Variants in PLAA observed in about 807,000 individuals in gnomAD.
PLAA encodes phospholipase A-2-activating protein.
PLAA carries 48 observed loss-of-function variants against 84.1 expected under a neutral mutation model. The observed-to-expected ratio is 0.57, with a 90% CI of 0.45 to 0.73. The LOEUF is 0.73. Among genes scored for constraint, PLAA ranks in the 30% least tolerant of loss-of-function variants. The pLI is 0.00. For synonymous variants in PLAA, 392 were observed against 336.6 expected, an observed-to-expected ratio of 1.16 and a Z score of -1.80; for missense variants, 903 against 954.7, an observed-to-expected ratio of 0.95 and a Z score of 0.71.
At chr9:26,906,795 A>G (rs1185577933) in intron 13 of PLAA, among the ~76,000 whole-genome samples, 3 of 152,134 alleles carry the variant, frequency 2.0e-5, no homozygotes, top group Non-Finnish European at 4.4e-5. Flanking sequence ...TGGGAGCTTT[A>G]TAATCAAGGG....
rs999452202 is a variant in PLAA at position 26,938,281 on chromosome 9, G to A, written c.150-3075C>T. Among the ~76,000 whole-genome samples the A allele has an allele frequency of 2.0e-5, 3 of 152,148 alleles. No individual in the cohort carries two copies. In the East Asian group the frequency reaches 5.8e-4, roughly 29 times the overall value. Reference sequence around the variant, plus strand: ...CCAGCACCTCAGGAGACTGAGATAGGAGAACCGCTTGAGCCCAGAAGTTGG... The same window carrying A: ...CCAGCACCTCAGGAGACTGAGATAGAAGAACCGCTTGAGCCCAGAAGTTGG... On this transcript the variant is annotated intron_variant, in intron 1 of 13. Transcript: ENST00000397292.
chr9:26,918,102 A>ATTTT (rs533380517), intron 9 of PLAA, among the ~76,000 whole-genome samples: 5 of 151,764 alleles, frequency 3.3e-5, no homozygotes, highest in African/African-American at 1.2e-4. Flanking sequence ...TACTTTGATA[A>ATTTT]TTTTTTTTAA....
chr9:26,933,126 G>T (rs1036061171), intron 2 of PLAA, among the ~76,000 whole-genome samples: 9 of 152,004 alleles, frequency 5.9e-5, no homozygotes, highest in Non-Finnish European at 1.3e-4. Context: ...AAATTAGCTG[G>T]GTGTGGTGGC....
intron 2 of PLAA, among the ~76,000 whole-genome samples, 198 bp from the exon 3 acceptor site, chr9:26,928,606 C>T (rs1461123641): frequency 6.6e-6 from 1 of 152,198 alleles, no homozygotes; most frequent in African/African-American, 2.4e-5. Flanking sequence ...GGGCGCAAGG[C>T]CTAGCTGTGC....
intron 1 of PLAA, among the ~76,000 whole-genome samples, chr9:26,941,215 C>G (rs1388623866): frequency 1.3e-5 from 2 of 150,816 alleles, no homozygotes; most frequent in Non-Finnish European, 2.9e-5. Flanking sequence ...GCTAGACAAC[C>G]CAGCCAGACA....
intron 1 of PLAA, among the ~76,000 whole-genome samples, chr9:26,937,495 C>T (rs1057271776): frequency 1.3e-5 from 2 of 152,150 alleles, no homozygotes; most frequent in Admixed American, 1.3e-4. Flanking sequence ...AAAAAAATCA[C>T]ACGCATACAA....
In PLAA at chr9:26,947,124, C is replaced by T. The variant is rs1415530974; in HGVS notation, c.-79G>A. 4 of 1,387,280 alleles carry T rather than the reference C, an allele frequency of 2.9e-6. No individual in the cohort carries two copies. The East Asian group carries it at 8.9e-5, about 31-fold the overall frequency. The allele number at this position is 1,387,280 out of a possible 1,614,324, so 85.9% of individuals were successfully genotyped here. ...AGGGGCGACTCGGAGAGCGCCGGGC[C>T]GCGGCGGGAGAAGAGCCTGCAGGTA... On this transcript the variant is annotated 5_prime_UTR_variant, in exon 1 of 14. Coordinates refer to ENST00000397292, the MANE Select transcript of PLAA (RefSeq NM_001031689.3).
Position 26,933,788 on chromosome 9 carries a change from CAAAAAAA to C in PLAA, c.343+1218_343+1224del, listed in dbSNP as rs199939902. On this transcript the variant is annotated intron_variant, in intron 2 of 13. Transcript: ENST00000397292. ...TGGGCGACAGAGCGAGACTCTGCCT[CAAAAAAA>C]AAAAAAAAAAAAAAAAAATTTTTTG... 6.5e-4 allele frequency among the ~76,000 whole-genome samples: 58 copies of C among 89,234 alleles called. No homozygotes were observed. The East Asian group carries it at 0.012, about 18-fold the overall frequency. 58.5% of individuals were successfully genotyped at this position (89,234 alleles called of 152,430 possible). A position where few individuals can be genotyped will look rare whatever the true frequency, so the allele number is the denominator to read the frequency against.
chr9:26,919,535 G>T lies in PLAA; in HGVS notation c.1198-6C>A, dbSNP rs1273150434. Reference sequence around the variant, plus strand: ...GAGAAAACATAATCAAATTCCTAAAGTAGGAATATAAAAAGGAGATACATG... The same window carrying T: ...GAGAAAACATAATCAAATTCCTAAATTAGGAATATAAAAAGGAGATACATG... On this transcript the variant is annotated splice_polypyrimidine_tract_variant and splice_region_variant and intron_variant, in intron 8 of 13. Transcript: ENST00000397292. The T allele has an allele frequency of 4.7e-6, 7 of 1,481,120 alleles. No homozygotes were observed. Among genetic ancestry groups the T allele is most frequent in the Non-Finnish European group, 6.6e-6 (7 of 1,061,898 alleles). The allele number at this position is 1,481,120 out of a possible 1,614,324, so 91.7% of individuals were successfully genotyped here.
intron 13 of PLAA, among the ~76,000 whole-genome samples, chr9:26,906,844 C>A (rs10967591): frequency 1.3e-5 from 2 of 151,820 alleles, no homozygotes; most frequent in Non-Finnish European, 2.9e-5. Flanking sequence ...ACAAAATAAT[C>A]TTAGCATCAC....
chr9:26,935,351 A>C (rs1330073958), intron 1 of PLAA, 145 bp from the exon 2 acceptor site: 1 of 479,430 alleles, frequency 2.1e-6, no homozygotes, highest in Non-Finnish European at 3.6e-6. Flanking sequence ...TTAAAATTGA[A>C]CCTTACATAA....
intron 1 of PLAA, among the ~76,000 whole-genome samples, chr9:26,944,788 G>A (rs941498865): frequency 2.6e-5 from 4 of 152,164 alleles, no homozygotes; most frequent in African/African-American, 7.2e-5. Context: ...CTTCATCAGT[G>A]TTAGATAAAT....
intron 2 of PLAA, 77 bp downstream of exon 2, chr9:26,934,936 G>T: frequency 9.1e-7 from 1 of 1,098,684 alleles, no homozygotes; most frequent in Non-Finnish European, 1.3e-6. Flanking sequence ...AAAAACTTGA[G>T]AAAATGGATA....
At position 26,935,405 on chromosome 9, in the gene PLAA, T is replaced by C. The variant is rs569830873; in HGVS notation, c.150-199A>G. On this transcript the variant is annotated intron_variant, in intron 1 of 13. Transcript: ENST00000397292. ...GAGAATTACATGAGATAAAGAGAAG[T>C]TTGTTTAGTGTTTCTTTGATAAGAA... Among the ~76,000 whole-genome samples, 3 of 152,280 alleles carry C rather than the reference T, an allele frequency of 2.0e-5. No individual in the cohort carries two copies. The South Asian group carries it at 6.2e-4, about 32-fold the overall frequency.
intron 11 of PLAA, among the ~76,000 whole-genome samples, chr9:26,911,065 T>C (rs1824384748): frequency 6.6e-6 from 1 of 151,956 alleles, no homozygotes; most frequent in Non-Finnish European, 1.5e-5. Flanking sequence ...TTTTTTTAAG[T>C]ATTTTATTAA....
intron 2 of PLAA, among the ~76,000 whole-genome samples, chr9:26,930,091 CTTATTA>C (rs201461032): frequency 7.4e-5 from 11 of 149,544 alleles, no homozygotes; most frequent in African/African-American, 2.0e-4. Context: ...AAGCCAGTGC[CTTATTA>C]TTATTATTAT....
intron 9 of PLAA, among the ~76,000 whole-genome samples, chr9:26,918,860 G>C (rs534242075): frequency 6.6e-6 from 1 of 152,236 alleles, no homozygotes; most frequent in East Asian, 1.9e-4. Flanking sequence ...GAGATACGAT[G>C]TATACGATGT....
intron 1 of PLAA, among the ~76,000 whole-genome samples, chr9:26,938,086 C>T (rs1192786917): frequency 6.6e-6 from 1 of 152,172 alleles, no homozygotes; most frequent in African/African-American, 2.4e-5. Context: ...AAGAGACCCA[C>T]ACCAAGTCAC....
chr9:26,946,849 C>T (rs1695351884), intron 1 of PLAA, 48 bp downstream of exon 1: 1 of 1,523,876 alleles, frequency 6.6e-7, no homozygotes, highest in Non-Finnish European at 8.8e-7. Flanking sequence ...CTTCCACTCT[C>T]CGGGAAGCGT....
Sources: allele counts gnomAD v4.1 joint callset (sites outside exome capture counted in the v4.1 genomes callset), GRCh38; gene constraint gnomAD v4.1.1; transcripts MANE v1.5; gene names NCBI Gene and HGNC (gene_info 2026-07-23, HGNC 2026-07-21).